The following NRG1 variants were observed in gnomAD, a reference collection of about 807,000 sequenced individuals.
NRG1 encodes the protein pro-neuregulin-1, membrane-bound isoform.
NRG1 carries 18 observed loss-of-function variants against 63.8 expected under a neutral mutation model. The observed-to-expected ratio is 0.28, with a 90% confidence interval of 0.19 to 0.42. The LOEUF (loss-of-function observed/expected upper bound fraction) is 0.42. NRG1 is among the 10% of genes least tolerant of loss of function. The pLI is 1.00. For missense variants in NRG1, 762 were observed against 814.7 expected (o/e 0.94, Z 0.79); for synonymous variants, 302 against 301.3 (o/e 1.00, Z -0.02).
intron 1 of NRG1, among the ~76,000 whole-genome samples, chr8:31,679,203 AT>A (rs1249107369): frequency 6.6e-6 from 1 of 151,808 alleles, no homozygotes; most frequent in Non-Finnish European, 1.5e-5. Context: ...AATGAGGCTC[AT>A]TTTTGCTGCT....
chr8:32,535,344 ATTG>A (rs567618766), intron 1 of NRG1, among the ~76,000 whole-genome samples: 60 of 152,298 alleles, frequency 3.9e-4, no homozygotes, highest in Middle Eastern at 6.8e-3. Flanking sequence ...TTCGAGTTAA[ATTG>A]TTATTACTGA....
chr8:32,174,743 A>C (rs1784318640), intron 1 of NRG1, among the ~76,000 whole-genome samples: 1 of 152,344 alleles, frequency 6.6e-6, no homozygotes, highest in African/African-American at 2.4e-5. Context: ...AGAAATGGAT[A>C]CATTCCTCGA....
chr8:31,975,495 G>T (rs1384517075), intron 1 of NRG1, among the ~76,000 whole-genome samples: 2 of 152,186 alleles, frequency 1.3e-5, no homozygotes, highest in African/African-American at 4.8e-5. Context: ...ATTTCCTAGA[G>T]TTGGGGTTTA....
chr8:32,127,528 CGTGTGT>C (rs3084577), intron 1 of NRG1, among the ~76,000 whole-genome samples: 71 of 146,382 alleles, frequency 4.9e-4, no homozygotes, highest in Middle Eastern at 7.0e-3. Context: ...TGTATCTGCA[CGTGTGT>C]GTGTGTGTGT....
intron 1 of NRG1, among the ~76,000 whole-genome samples, chr8:32,470,943 G>A (rs971277412): frequency 7.2e-5 from 11 of 152,006 alleles, no homozygotes; most frequent in Non-Finnish European, 1.6e-4. Flanking sequence ...GACTATAGGC[G>A]CATGCCATCA....
chr8:32,476,025 A>T (rs1297783208), intron 1 of NRG1, among the ~76,000 whole-genome samples: 3 of 152,202 alleles, frequency 2.0e-5, no homozygotes, highest in African/African-American at 7.2e-5. Flanking sequence ...AAAATTAGAC[A>T]GGTAGCTGCC....
chr8:32,040,750 C>CATATATAT (rs71208164), intron 1 of NRG1, among the ~76,000 whole-genome samples: 4,270 of 48,686 alleles, frequency 0.088, 583 homozygotes, highest in African/African-American at 0.21. Flanking sequence ...AATTTAGGCG[C>CATATATAT]ATATATATAT....
At chr8:32,283,283 AC>A (rs1473929653) in intron 1 of NRG1, among the ~76,000 whole-genome samples, 12 of 152,086 alleles carry the variant, frequency 7.9e-5, no homozygotes, top group Non-Finnish European at 4.4e-5. Context: ...TTTTCTGAAA[AC>A]CTTTAGGAGA....
At chr8:32,739,144 T>C (rs929017136) in intron 6 of NRG1, among the ~76,000 whole-genome samples, 3 of 152,194 alleles carry the variant, frequency 2.0e-5, no homozygotes, top group African/African-American at 7.2e-5. Flanking sequence ...CAAAATAGCG[T>C]GTCCATGTGC....
chr8:31,657,465 A>T (rs893215598), intron 1 of NRG1, among the ~76,000 whole-genome samples: 2 of 152,152 alleles, frequency 1.3e-5, no homozygotes, highest in African/African-American at 4.8e-5. Flanking sequence ...AATGGGTTGC[A>T]TATTATAGTG....
chr8:32,450,112 C>A (rs926913542), intron 1 of NRG1, among the ~76,000 whole-genome samples: 1 of 152,186 alleles, frequency 6.6e-6, no homozygotes, highest in Non-Finnish European at 1.5e-5. Context: ...AAGATAGAAT[C>A]TTCAGGCCTT....
intron 1 of NRG1, among the ~76,000 whole-genome samples, chr8:32,229,013 G>A (rs1371458407): frequency 6.6e-6 from 1 of 152,136 alleles, no homozygotes; most frequent in African/African-American, 2.4e-5. Flanking sequence ...AAGAAACACA[G>A]AAAATCTCAA....
intron 1 of NRG1, among the ~76,000 whole-genome samples, chr8:32,454,015 G>A (rs1392079833): frequency 6.6e-6 from 1 of 152,122 alleles, no homozygotes; most frequent in Non-Finnish European, 1.5e-5. Flanking sequence ...AATTGCCTGG[G>A]TAAAAGTTTA....
At chr8:32,071,930 A>T (rs148772048) in intron 1 of NRG1, among the ~76,000 whole-genome samples, 2 of 152,236 alleles carry the variant, frequency 1.3e-5, no homozygotes, top group African/African-American at 2.4e-5. Context: ...AACACAAGGC[A>T]GTTAGTAGAC....
intron 1 of NRG1, among the ~76,000 whole-genome samples, chr8:31,725,105 A>T (rs1199160541): frequency 6.6e-6 from 1 of 152,204 alleles, no homozygotes; most frequent in Non-Finnish European, 1.5e-5. Flanking sequence ...TTCAAAATAT[A>T]AAAAATGACT....
intron 1 of NRG1, among the ~76,000 whole-genome samples, chr8:31,909,312 C>T (rs1832760612): frequency 6.6e-6 from 1 of 152,048 alleles, no homozygotes; most frequent in Non-Finnish European, 1.5e-5. Context: ...CATCCCTTTA[C>T]AGAGAAGACA....
chr8:32,239,958 G>A (rs1306023768), intron 1 of NRG1, among the ~76,000 whole-genome samples: 3 of 152,118 alleles, frequency 2.0e-5, no homozygotes, highest in African/African-American at 4.8e-5. Flanking sequence ...ATTGTTGATG[G>A]AAATGTAAAA....
intron 1 of NRG1, among the ~76,000 whole-genome samples, chr8:32,413,393 C>T (rs73250465): frequency 0.1 from 15,261 of 152,152 alleles, 1,050 homozygotes; most frequent in Non-Finnish European, 0.15. Context: ...ACTAAATATA[C>T]TGTATGCTCG....
chr8:32,315,877 G>GT (rs1857327248), intron 1 of NRG1, among the ~76,000 whole-genome samples: 1 of 146,660 alleles, frequency 6.8e-6, no homozygotes, highest in Non-Finnish European at 1.5e-5. Flanking sequence ...CAAATGCTTT[G>GT]TATGTGTTAT....
Sources: gnomAD v4.1 joint callset for allele counts (sites outside exome capture counted in the v4.1 genomes callset) on GRCh38, gnomAD v4.1.1 for gene constraint, MANE v1.5 for transcripts, NCBI Gene and HGNC (gene_info 2026-07-23, HGNC 2026-07-21) for gene names.